KCNQ1: variants seen among roughly 807,000 people sequenced by gnomAD.
KCNQ1 encodes the protein potassium voltage-gated channel subfamily Q member 1.
In KCNQ1, 49 loss-of-function variants were observed where a neutral mutation model predicts 72.4. That is an observed-to-expected ratio of 0.68 (90% CI 0.54 to 0.86). The LOEUF is 0.86. Among genes scored for constraint, KCNQ1 ranks in the 40% least tolerant of loss-of-function variants. The pLI is 0.00. For synonymous variants in KCNQ1, 450 were observed against 412.6 expected, an observed-to-expected ratio of 1.09 and a Z score of -1.10; for missense variants, 790 against 945.1, an observed-to-expected ratio of 0.84 and a Z score of 2.15.
rs928553372 is a variant in KCNQ1, at chr11:2,481,449, G to A, written c.386+35965G>A. On this transcript the variant is annotated intron_variant, in intron 1 of 15. Coordinates refer to ENST00000155840, the MANE Select transcript of KCNQ1 (RefSeq NM_000218.3). The surrounding 1 kb of genome is among the most constrained non-coding windows in gnomAD (Gnocchi z 4.6). ...CAGTGCAGTCAGGAGTGAGTTGCAC[G>A]TCTACAGCTAGGCTGCTTCCCCGAG... Among the ~76,000 whole-genome samples the A allele has an allele frequency of 8.5e-5, 13 of 152,104 alleles. No individual in the cohort carries two copies. The highest frequency in any genetic ancestry group is 2.2e-4 in the African/African-American group (9 of 41,386).
chr11:2,794,008 G>C (rs933471221), intron 15 of KCNQ1, among the ~76,000 whole-genome samples: 1 of 152,192 alleles, frequency 6.6e-6, no homozygotes, highest in Non-Finnish European at 1.5e-5. Context: ...GCCTTGCAAA[G>C]GCCCTAGGGC....
rs774725539 is a variant in KCNQ1, at chr11:2,601,085, TAAA to T, written c.1393+12244_1393+12246del. 7.2e-6 allele frequency among the ~76,000 whole-genome samples: 1 copy of T among 139,074 alleles called. No individual in the cohort carries two copies. Among genetic ancestry groups the T allele is most frequent in the Non-Finnish European group, 1.6e-5 (1 of 63,150 alleles). The allele number at this position is 139,074 out of a possible 152,430, so 91.2% of individuals were successfully genotyped here. A position where few individuals can be genotyped will look rare whatever the true frequency, so the allele number is the denominator to read the frequency against. Reference sequence around the variant, plus strand: ...GCCATGCATATACCCTGCTACTTGTTAAAAAAAAAAAAAAAGTCTCTCCAGATT... The same window carrying T: ...GCCATGCATATACCCTGCTACTTGTTAAAAAAAAAAAAGTCTCTCCAGATT... On this transcript the variant is annotated intron_variant, in intron 10 of 15. Transcript: ENST00000155840. This position sits in a 1 kb window ranked among gnomAD's most constrained non-coding sequence, Gnocchi z 5.2.
At chr11:2,614,590 G>A (rs1205913554) in intron 10 of KCNQ1, 6 of 398,250 alleles carry the variant, frequency 1.5e-5, no homozygotes, top group Non-Finnish European at 2.7e-5. Context: ...TTCATTCTTT[G>A]ATATATGAGG....
intron 2 of KCNQ1, among the ~76,000 whole-genome samples, chr11:2,560,384 G>A (rs111835016): frequency 1.5e-3 from 117 of 78,820 alleles, no homozygotes; most frequent in Non-Finnish European, 2.4e-3. Flanking sequence ...GGGGGTACTG[G>A]GGGGTGGCGT....
At chr11:2,453,990 G>C (rs540092974) in intron 1 of KCNQ1, among the ~76,000 whole-genome samples, 55 of 152,168 alleles carry the variant, frequency 3.6e-4, no homozygotes, top group African/African-American at 1.2e-3. Flanking sequence ...GGGTGGTCTT[G>C]AAATCTTGGC....
rs986274372 is a variant in KCNQ1 at position 2,661,472 on chromosome 11, C to T, written c.1394-489C>T. The T allele has an allele frequency of 2.5e-5, 11 of 435,788 alleles. No individual in the cohort carries two copies. The highest frequency in any genetic ancestry group is 1.2e-4 in the African/African-American group (6 of 49,950). The allele number at this position is 435,788 out of a possible 1,614,324, so 27.0% of individuals were successfully genotyped here. On this transcript the variant is annotated intron_variant, in intron 10 of 15. Transcript: ENST00000155840. This position sits in a 1 kb window ranked among gnomAD's most constrained non-coding sequence, Gnocchi z 5.9. ...TTTTGAGGAAGGAGTTCTGTGGCTG[C>T]CCCCACCTCCCAGGCTTGCCATTCC... is the stretch of plus-strand genomic sequence containing the variant.
Position 2,819,526 on chromosome 11 carries a change from C to T in KCNQ1, c.1795-28241C>T, listed in dbSNP as rs149005046. ...ATTCCTGAGGTAAACCTTATGTGAT[C>T]TTGACTCAAGTCCAGCTGCTGATGC... is the stretch of plus-strand genomic sequence containing the variant. On this transcript the variant is annotated intron_variant, in intron 15 of 15. Transcript: ENST00000155840. Among the ~76,000 whole-genome samples, 67 of 152,356 alleles carry T rather than the reference C, an allele frequency of 4.4e-4. 1 individual carries two copies. Among genetic ancestry groups the T allele is most frequent in the African/African-American group, 1.5e-3 (61 of 41,582 alleles).
intron 2 of KCNQ1, among the ~76,000 whole-genome samples, chr11:2,528,923 T>C (rs542207161): frequency 2.7e-4 from 41 of 152,248 alleles, no homozygotes; most frequent in African/African-American, 8.4e-4. Flanking sequence ...GGGAGTCCGT[T>C]TTACCTTTCC....
chr11:2,596,581 A>G (rs1254538827), intron 10 of KCNQ1, among the ~76,000 whole-genome samples: 1 of 151,874 alleles, frequency 6.6e-6, no homozygotes, highest in Non-Finnish European at 1.5e-5. Context: ...TGAGTGAAAG[A>G]AGCCAGACAA....
In KCNQ1 at chr11:2,814,961, G is replaced by A. The variant is rs915776036; in HGVS notation, c.1795-32806G>A. On this transcript the variant is annotated intron_variant, in intron 15 of 15. Transcript: ENST00000155840. ...CTGGAGAGAAAGCACCTGTGCAGAC[G>A]GCCCCAGCGCTATGCCCTTCTGAGG... 2.6e-5 allele frequency among the ~76,000 whole-genome samples: 4 copies of A among 152,336 alleles called. No individual in the cohort carries two copies. In the South Asian group the frequency reaches 6.2e-4, roughly 24 times the overall value.
intron 11 of KCNQ1, among the ~76,000 whole-genome samples, chr11:2,716,020 C>T (rs1851086606): frequency 1.3e-5 from 2 of 152,180 alleles, no homozygotes; most frequent in South Asian, 4.1e-4. Flanking sequence ...GCTGCCCTGC[C>T]TTTGACCTCT....
At position 2,610,149 on chromosome 11, in the gene KCNQ1, C is replaced by A. The variant is rs938627552; in HGVS notation, c.1393+21295C>A. ...TACTTTCTAATATAAATTTTCATTT[C>A]TTTTATGATTCTTCAATATTCTATT... On this transcript the variant is annotated intron_variant, in intron 10 of 15. Coordinates refer to ENST00000155840, the MANE Select transcript of KCNQ1 (RefSeq NM_000218.3). 4 of 397,622 alleles carry A rather than the reference C, an allele frequency of 1.0e-5. No individual in the cohort carries two copies. In the South Asian group the frequency reaches 5.1e-4, roughly 51 times the overall value. The allele number at this position is 397,622 out of a possible 1,614,324, so 24.6% of individuals were successfully genotyped here.
rs1846407247 is a variant in KCNQ1 at position 2,762,099 on chromosome 11, C to G, written c.1515-6745C>G. On this transcript the variant is annotated intron_variant, in intron 11 of 15. Coordinates refer to ENST00000155840, the MANE Select transcript of KCNQ1 (RefSeq NM_000218.3). This position sits in a 1 kb window ranked among gnomAD's most constrained non-coding sequence, Gnocchi z 4.3. ...GCACCTATGACTCCCCGTTCCCTGC[C>G]TGCTCCCAGGCTGTTTGGGGTGATG... Among the ~76,000 whole-genome samples the G allele has an allele frequency of 6.6e-6, 1 of 152,226 alleles. No individual in the cohort carries two copies. The highest frequency in any genetic ancestry group is 1.5e-5 in the Non-Finnish European group (1 of 68,040).
chr11:2,648,968 CTTTTTTCTTTTTCTT>C (rs1849709766), intron 10 of KCNQ1: 1 of 369,120 alleles, frequency 2.7e-6, no homozygotes, highest in South Asian at 1.5e-4. Context: ...TCCTTTGTCT[CTTTTTTCTTTTTCTT>C]TTTTTTTTTT....
intron 2 of KCNQ1, among the ~76,000 whole-genome samples, chr11:2,551,273 C>G (rs1589945677): frequency 6.6e-6 from 1 of 152,158 alleles, no homozygotes; most frequent in Non-Finnish European, 1.5e-5. Context: ...GGCGGCTAGC[C>G]CCTCCCCGCA....
rs1418577127 is a variant in KCNQ1 at position 2,537,473 on chromosome 11, A to G, written c.477+9455A>G. 6.6e-6 allele frequency among the ~76,000 whole-genome samples: 1 copy of G among 152,096 alleles called. No homozygotes were observed. The highest frequency in any genetic ancestry group is 2.4e-5 in the African/African-American group (1 of 41,340). On this transcript the variant is annotated intron_variant, in intron 2 of 15. Coordinates refer to ENST00000155840, the MANE Select transcript of KCNQ1 (RefSeq NM_000218.3). The surrounding 1 kb of genome is among the most constrained non-coding windows in gnomAD (Gnocchi z 5.2). ...AGTGGGAGAGCGTGTGCCCCGGGCC[A>G]GCCCACCGTGCCCCACGTTTCTACA...
In KCNQ1 at chr11:2,671,165, T is replaced by C. The variant is rs914297938; in HGVS notation, c.1514+9084T>C. ...GAGGCCTGAGGTGCCATCTTAGAAA[T>C]AGGGCCTTGTTAGGAGAAAAGGAAA... On this transcript the variant is annotated intron_variant, in intron 11 of 15. Transcript: ENST00000155840. This position sits in a 1 kb window ranked among gnomAD's most constrained non-coding sequence, Gnocchi z 4.7. The C allele has an allele frequency of 1.0e-5, 4 of 398,354 alleles. No individual in the cohort carries two copies. Among genetic ancestry groups the C allele is most frequent in the South Asian group, 2.5e-4 (2 of 7,846 alleles). 24.7% of individuals were successfully genotyped at this position (398,354 alleles called of 1,614,324 possible).
intron 2 of KCNQ1, among the ~76,000 whole-genome samples, chr11:2,535,062 C>T (rs1463847227): frequency 1.3e-5 from 2 of 152,220 alleles, no homozygotes; most frequent in African/African-American, 2.4e-5. Flanking sequence ...TGGCCTGCAG[C>T]TCTGCCCAGC....
chr11:2,760,887 C>T (rs1314219006), intron 11 of KCNQ1, among the ~76,000 whole-genome samples: 2 of 152,204 alleles, frequency 1.3e-5, no homozygotes, highest in African/African-American at 4.8e-5. Flanking sequence ...TCCGACCCCA[C>T]AGCAGCGTCT....
Sources: gnomAD v4.1 joint callset for allele counts (sites outside exome capture counted in the v4.1 genomes callset) on GRCh38, gnomAD v4.1.1 for gene constraint, Gnocchi (gnomAD v3.1) non-coding constraint, MANE v1.5 for transcripts, NCBI Gene and HGNC (gene_info 2026-07-23, HGNC 2026-07-21) for gene names.